SUMF1: variants seen among roughly 807,000 people sequenced by gnomAD.
SUMF1 encodes formylglycine-generating enzyme.
Under a neutral mutation model 47.6 loss-of-function variants are expected in SUMF1, and 48 were observed. That is an observed-to-expected ratio of 1.01 (90% CI 0.80 to 1.28). SUMF1 has a LOEUF of 1.28. SUMF1 is among the 50% of genes most tolerant of loss of function. The pLI, the probability that SUMF1 is intolerant of heterozygous loss-of-function variation, is 0.00. For synonymous variants in SUMF1, 230 were observed against 192.1 expected (o/e 1.20, Z -1.63); for missense variants, 571 against 485.4 (o/e 1.18, Z -1.66).
chr3:4,136,465 T>A (rs1693934982), intron 8 of SUMF1, among the ~76,000 whole-genome samples: 1 of 151,946 alleles, frequency 6.6e-6, no homozygotes, highest in African/African-American at 2.4e-5. Flanking sequence ...TATACAAAAA[T>A]TAATTCAAGA....
intron 7 of SUMF1, among the ~76,000 whole-genome samples, chr3:4,381,156 T>G (rs965255010): frequency 6.6e-6 from 1 of 152,278 alleles, no homozygotes; most frequent in East Asian, 1.9e-4. Flanking sequence ...CAAATTTCCA[T>G]CACTCAGCAA....
chr3:4,128,166 T>C (rs1693700610), intron 8 of SUMF1, among the ~76,000 whole-genome samples: 1 of 152,102 alleles, frequency 6.6e-6, no homozygotes, highest in Admixed American at 6.5e-5. Context: ...AAGATTCTTA[T>C]CTCCTGTAGA....
At chr3:4,206,607 C>T (rs1040757377) in intron 8 of SUMF1, among the ~76,000 whole-genome samples, 1 of 152,120 alleles carries the variant, frequency 6.6e-6, no homozygotes, top group Non-Finnish European at 1.5e-5. Flanking sequence ...CAATTCAAAA[C>T]TGTATTTCCT....
intron 8 of SUMF1, among the ~76,000 whole-genome samples, chr3:4,176,661 A>G (rs1329688690): frequency 6.6e-6 from 1 of 152,210 alleles, no homozygotes; most frequent in Non-Finnish European, 1.5e-5. Flanking sequence ...CAACTTCATA[A>G]TGAGATGATC....
intron 8 of SUMF1, among the ~76,000 whole-genome samples, chr3:4,323,234 T>C (rs1437421894): frequency 6.7e-6 from 1 of 148,664 alleles, no homozygotes; most frequent in East Asian, 1.9e-4. Context: ...AAAAATGCCC[T>C]TGATATGGAT....
intron 8 of SUMF1, among the ~76,000 whole-genome samples, chr3:4,212,856 T>C (rs111877722): frequency 8.2e-4 from 124 of 152,036 alleles, no homozygotes; most frequent in African/African-American, 2.8e-3. Context: ...AAGACAAAAT[T>C]AGAGAAAAAA....
chr3:4,093,586 T>A (rs976981297), intron 8 of SUMF1, among the ~76,000 whole-genome samples: 1 of 152,100 alleles, frequency 6.6e-6, no homozygotes, highest in Non-Finnish European at 1.5e-5. Context: ...AGATAGAATA[T>A]TACATGCAAA....
chr3:4,092,096 T>C (rs760513852), intron 8 of SUMF1, among the ~76,000 whole-genome samples: 1 of 152,062 alleles, frequency 6.6e-6, no homozygotes, highest in Non-Finnish European at 1.5e-5. Flanking sequence ...TATTATTGTA[T>C]AGGCCAACTA....
At chr3:4,447,589 G>C (rs1278211053) in intron 3 of SUMF1, among the ~76,000 whole-genome samples, 1 of 151,648 alleles carries the variant, frequency 6.6e-6, no homozygotes, top group African/African-American at 2.4e-5. Context: ...AAAAAAAAAA[G>C]GTCTGGTGCA....
chr3:4,309,980 A>G (rs997888198), intron 8 of SUMF1, among the ~76,000 whole-genome samples: 1 of 152,208 alleles, frequency 6.6e-6, no homozygotes, highest in African/African-American at 2.4e-5. Context: ...CCTACTACAC[A>G]CTTAGGCAAT....
intron 8 of SUMF1, among the ~76,000 whole-genome samples, chr3:4,344,982 G>A (rs1699346372): frequency 6.6e-6 from 1 of 151,706 alleles, no homozygotes; most frequent in African/African-American, 2.4e-5. Flanking sequence ...CAAGAATAGA[G>A]AAAAAAAGAG....
At chr3:4,388,492 G>T (rs1400486946) in intron 7 of SUMF1, among the ~76,000 whole-genome samples, 1 of 151,028 alleles carries the variant, frequency 6.6e-6, no homozygotes, top group Non-Finnish European at 1.5e-5. Context: ...ATATAATTAG[G>T]TTGTTTTTTT....
chr3:4,357,202 AT>A (rs1459818710), downstream of SUMF1, among the ~76,000 whole-genome samples: 1 of 152,144 alleles, frequency 6.6e-6, no homozygotes, highest in African/African-American at 2.4e-5. Context: ...TATGCTAAAT[AT>A]TTAAAAAAGA....
chr3:4,420,299 T>C (rs761066950), intron 3 of SUMF1, among the ~76,000 whole-genome samples, 153 bp from the exon 4 acceptor site: 7 of 152,118 alleles, frequency 4.6e-5, no homozygotes, highest in Admixed American at 6.5e-5. Context: ...TAAAGACTTA[T>C]ATGTAAATAA....
rs868321653 is a variant in SUMF1 at position 4,401,680 on chromosome 3, T to C, written c.954+9185A>G. 3.0e-4 allele frequency among the ~76,000 whole-genome samples: 45 copies of C among 152,318 alleles called. 1 individual carries two copies. The highest frequency in any genetic ancestry group is 3.4e-3 in the Middle Eastern group (1 of 294). On this transcript the variant is annotated intron_variant, in intron 7 of 8. Coordinates refer to ENST00000272902, the MANE Select transcript of SUMF1 (RefSeq NM_182760.4). ...TGGAAACCCAGGCGACTGACCTCAC[T>C]TTCATCACTTAACCATGGCTCTGTT...
intron 8 of SUMF1, among the ~76,000 whole-genome samples, chr3:4,142,313 TC>T (rs1694089341): frequency 6.6e-6 from 1 of 152,144 alleles, no homozygotes; most frequent in Admixed American, 6.5e-5. Context: ...CCATCACATG[TC>T]CTACAGTTCC....
intron 1 of SUMF1, among the ~76,000 whole-genome samples, chr3:4,454,354 A>C (rs564282930): frequency 2.0e-4 from 30 of 152,356 alleles, no homozygotes; most frequent in African/African-American, 7.2e-4. Flanking sequence ...ATGAGTCATT[A>C]GGGAAATGCA....
chr3:4,316,526 A>G (rs7647539), intron 8 of SUMF1: 557,380 of 1,576,736 alleles, frequency 0.35, 109,734 homozygotes, highest in African/African-American at 0.82. Context: ...CGGTCGTTCG[A>G]CATTTGAAGC....
chr3:4,115,381 T>C (rs1369292289), intron 8 of SUMF1, among the ~76,000 whole-genome samples: 1 of 152,070 alleles, frequency 6.6e-6, no homozygotes, highest in African/African-American at 2.4e-5. Context: ...AACCCCAGGA[T>C]ACAGAAAGCC....
Sources: gnomAD v4.1 joint callset for allele counts (sites outside exome capture counted in the v4.1 genomes callset) on GRCh38, gnomAD v4.1.1 for gene constraint, MANE v1.5 for transcripts, NCBI Gene and HGNC (gene_info 2026-07-23, HGNC 2026-07-21) for gene names.